The following DPCD variants were observed in gnomAD, a reference collection of about 807,000 sequenced individuals.
DPCD encodes the protein protein DPCD.
In DPCD, 20 loss-of-function variants were observed where a neutral mutation model predicts 26.4. The observed-to-expected ratio is 0.76, with a 90% CI of 0.53 to 1.10. DPCD has a LOEUF of 1.10. DPCD is among the 50% of genes least tolerant of loss of function. The pLI, the probability that DPCD is intolerant of heterozygous loss-of-function variation, is 0.00. For synonymous variants in DPCD, 97 were observed against 94.2 expected, an observed-to-expected ratio of 1.03 and a Z score of -0.17; for missense variants, 202 against 253.9, an observed-to-expected ratio of 0.80 and a Z score of 1.39.
At chr10:101,588,448 C>T in intron 1 of DPCD, 48 bp downstream of exon 1, 3 of 1,551,864 alleles carry the variant, frequency 1.9e-6, no homozygotes, top group Non-Finnish European at 2.6e-6. Flanking sequence ...CCCTCAGGGT[C>T]CGGCCCTCCG....
intron 4 of DPCD, among the ~76,000 whole-genome samples, chr10:101,605,677 C>T (rs111486564): frequency 5.3e-5 from 8 of 152,172 alleles, no homozygotes; most frequent in East Asian, 1.9e-4. Flanking sequence ...GCAGAGTGTT[C>T]GGACCCCAGG....
chr10:101,591,601 T>G (rs2063608215), intron 1 of DPCD, among the ~76,000 whole-genome samples: 1 of 152,164 alleles, frequency 6.6e-6, no homozygotes, highest in East Asian at 1.9e-4. Context: ...TTTACTTTTG[T>G]TTTTTTAAGA....
chr10:101,599,739 G>A (rs2063678586), intron 2 of DPCD, among the ~76,000 whole-genome samples: 1 of 152,172 alleles, frequency 6.6e-6, no homozygotes, highest in South Asian at 2.1e-4. Flanking sequence ...ACTGAGTACT[G>A]TGCACTTTTT....
rs1187602674 is a variant in DPCD, at chr10:101,609,520, C to G, written c.*49C>G. The G allele has an allele frequency of 1.3e-6, 2 of 1,559,250 alleles. No individual in the cohort carries two copies. The highest frequency in any genetic ancestry group is 4.5e-5 in the East Asian group (2 of 44,340). On this transcript the variant is annotated 3_prime_UTR_variant, in exon 6 of 6. Transcript: ENST00000370151. ...CACCACAGGGGGTGCCGTGAGACTT[C>G]AAGGCTTGGCCCTTCTTGACCACGG... is the stretch of plus-strand genomic sequence containing the variant.
At chr10:101,595,101 TTTTG>T (rs1306137398) in intron 2 of DPCD, among the ~76,000 whole-genome samples, 1 of 152,298 alleles carries the variant, frequency 6.6e-6, no homozygotes, top group African/African-American at 2.4e-5. Context: ...TTCCTTGTTT[TTTTG>T]TTTGTTTGTT....
At chr10:101,590,792 C>T (rs2134751337) in intron 1 of DPCD, among the ~76,000 whole-genome samples, 1 of 152,266 alleles carries the variant, frequency 6.6e-6, no homozygotes, top group Middle Eastern at 3.4e-3. Flanking sequence ...TTCCCTCCTC[C>T]TCCCATCCCC....
intron 3 of DPCD, 142 bp downstream of exon 3, chr10:101,601,004 G>C: frequency 6.7e-7 from 1 of 1,491,694 alleles, no homozygotes; most frequent in Non-Finnish European, 9.0e-7. Flanking sequence ...ATAAATGTTT[G>C]TTTGAATGAA....
intron 2 of DPCD, 124 bp downstream of exon 2, chr10:101,594,862 G>C (rs1331651246): frequency 3.4e-6 from 3 of 871,532 alleles, no homozygotes; most frequent in Non-Finnish European, 5.4e-6. Flanking sequence ...GGGAGAGACG[G>C]AAGCCCTCGA....
intron 2 of DPCD, among the ~76,000 whole-genome samples, chr10:101,597,766 G>T (rs1189182989): frequency 6.6e-6 from 1 of 152,220 alleles, no homozygotes; most frequent in East Asian, 1.9e-4. Context: ...ACAGTCTTCT[G>T]TTGCCGCAGG....
Position 101,596,878 on chromosome 10 carries a change from C to G in DPCD, c.145+2140C>G, listed in dbSNP as rs369943248. Among the ~76,000 whole-genome samples the G allele has an allele frequency of 1.2e-4, 18 of 152,280 alleles. No individual in the cohort carries two copies. In the East Asian group the frequency reaches 3.5e-3, roughly 29 times the overall value. On this transcript the variant is annotated intron_variant, in intron 2 of 5. Coordinates refer to ENST00000370151, the MANE Select transcript of DPCD (RefSeq NM_015448.3). ...ATACAAATTTGATAATTAGCCAAACCAGTTTTCTGTTAGAAAAATTCAAAG... is the reference window on the plus strand; with the variant it reads ...ATACAAATTTGATAATTAGCCAAACGAGTTTTCTGTTAGAAAAATTCAAAG...
In DPCD at chr10:101,609,363, A is replaced by G. The variant is rs1368515777; in HGVS notation, c.508-4A>G. ...TATTTTCTTATTCCTGGCTGCATCCACAGTACCAGAAGCCAAAGGAGGTTG... is the reference window on the plus strand; with the variant it reads ...TATTTTCTTATTCCTGGCTGCATCCGCAGTACCAGAAGCCAAAGGAGGTTG... On this transcript the variant is annotated splice_polypyrimidine_tract_variant and splice_region_variant and intron_variant, in intron 5 of 5. Coordinates refer to ENST00000370151, the MANE Select transcript of DPCD (RefSeq NM_015448.3). 1 of 1,614,048 alleles carries G rather than the reference A, an allele frequency of 6.2e-7. No individual in the cohort carries two copies. Among genetic ancestry groups the G allele is most frequent in the East Asian group, 2.2e-5 (1 of 44,888 alleles).
chr10:101,602,840 C>T (rs1426419975), intron 4 of DPCD, among the ~76,000 whole-genome samples: 1 of 152,184 alleles, frequency 6.6e-6, no homozygotes, highest in Non-Finnish European at 1.5e-5. Context: ...AGGTCACTGT[C>T]GAATACAGAT....
intron 1 of DPCD, among the ~76,000 whole-genome samples, chr10:101,593,010 C>CAAAAAAAAAAAACCA (rs941618084): frequency 1.2e-3 from 102 of 84,506 alleles, no homozygotes; most frequent in Middle Eastern, 6.3e-3. Flanking sequence ...GAGACTCTGT[C>CAAAAAAAAAAAACCA]AAAAAAAAAA....
At chr10:101,593,894 T>C (rs1460129272) in intron 1 of DPCD, among the ~76,000 whole-genome samples, 1 of 152,200 alleles carries the variant, frequency 6.6e-6, no homozygotes, top group Admixed American at 6.5e-5. Context: ...CAGTATTTAG[T>C]TGAGCTCCTA....
intron 1 of DPCD, among the ~76,000 whole-genome samples, chr10:101,590,198 A>G (rs1399443083): frequency 6.6e-6 from 1 of 152,212 alleles, no homozygotes; most frequent in East Asian, 1.9e-4. Flanking sequence ...GAGGAATAAC[A>G]AAATGTTTAG....
chr10:101,609,654 C>G lies in DPCD; in HGVS notation c.*183C>G. 2 of 598,494 alleles carry G rather than the reference C, an allele frequency of 3.3e-6. No homozygotes were observed. Among genetic ancestry groups the G allele is most frequent in the Admixed American group, 3.0e-5 (1 of 33,360 alleles). 37.1% of individuals were successfully genotyped at this position (598,494 alleles called of 1,614,324 possible). On this transcript the variant is annotated 3_prime_UTR_variant, in exon 6 of 6. Coordinates refer to ENST00000370151, the MANE Select transcript of DPCD (RefSeq NM_015448.3). ...TCCTGAGTAAAGTCATTCTGAGTTA[C>G]TTACTGCACAGGGACTGCCCTCTTG...
intron 1 of DPCD, among the ~76,000 whole-genome samples, chr10:101,590,063 G>GAAAA (rs34473619): frequency 1.7e-5 from 2 of 117,260 alleles, no homozygotes; most frequent in Non-Finnish European, 1.8e-5. Flanking sequence ...AAAAAAACTG[G>GAAAA]AAAAAAAAAA....
At chr10:101,595,562 GT>G (rs774609355) in intron 2 of DPCD, among the ~76,000 whole-genome samples, 10 of 152,190 alleles carry the variant, frequency 6.6e-5, no homozygotes, top group Non-Finnish European at 1.2e-4. Context: ...TGATCGACAG[GT>G]AGTATTGGTG....
intron 2 of DPCD, among the ~76,000 whole-genome samples, chr10:101,596,422 C>G (rs1396717467): frequency 2.0e-5 from 3 of 152,166 alleles, no homozygotes; most frequent in Non-Finnish European, 2.9e-5. Flanking sequence ...AATGGAAGCT[C>G]AAAGAGGTTA....
Sources: gnomAD v4.1 joint callset for allele counts (sites outside exome capture counted in the v4.1 genomes callset) on GRCh38, gnomAD v4.1.1 for gene constraint, MANE v1.5 for transcripts, NCBI Gene and HGNC (gene_info 2026-07-23, HGNC 2026-07-21) for gene names.